The following TAF4B variants were observed in gnomAD, a reference collection of about 807,000 sequenced individuals.
The protein encoded by TAF4B is transcription initiation factor TFIID subunit 4B.
In TAF4B, 38 loss-of-function variants were observed where a neutral mutation model predicts 86.4. That is an observed-to-expected ratio of 0.44 (90% confidence interval 0.34 to 0.58). The LOEUF (loss-of-function observed/expected upper bound fraction) is 0.58. Among genes scored for constraint, TAF4B ranks in the 20% least tolerant of loss-of-function variants. The pLI is 0.02. For synonymous variants in TAF4B, 388 were observed against 391.2 expected (o/e 0.99, Z 0.10); for missense variants, 988 against 1,027.6 (o/e 0.96, Z 0.53).
At chr18:26,320,730 T>A (rs533315650) in intron 10 of TAF4B, among the ~76,000 whole-genome samples, 95 of 152,288 alleles carry the variant, frequency 6.2e-4, no homozygotes, top group Non-Finnish European at 1.2e-3. Flanking sequence ...TTACTAAAAT[T>A]AACAGAATAT....
At chr18:26,283,897 T>A (rs1383230506) in intron 6 of TAF4B, among the ~76,000 whole-genome samples, 1 of 151,872 alleles carries the variant, frequency 6.6e-6, no homozygotes, top group East Asian at 1.9e-4. Context: ...CTAAAAAAAA[T>A]AAAAAAGTTA....
rs148317505 is a variant in TAF4B at position 26,377,250 on chromosome 18, G to T, written c.2422-12595G>T. On this transcript the variant is annotated intron_variant, in intron 14 of 14. Coordinates refer to ENST00000269142, the MANE Select transcript of TAF4B (RefSeq NM_005640.3). ...TTTTAGAAGAGCTTGTGAAGTATTGGTGTTAATTCTTCTTTAAATGTTTGA... is the reference window on the plus strand; with the variant it reads ...TTTTAGAAGAGCTTGTGAAGTATTGTTGTTAATTCTTCTTTAAATGTTTGA... 1.8e-4 allele frequency among the ~76,000 whole-genome samples: 28 copies of T among 152,160 alleles called. No individual in the cohort carries two copies. In the East Asian group the frequency reaches 4.6e-3, roughly 25 times the overall value.
At position 26,381,619 on chromosome 18, in the gene TAF4B, C is replaced by G. The variant is rs371796801; in HGVS notation, c.2422-8226C>G. On this transcript the variant is annotated intron_variant, in intron 14 of 14. Transcript: ENST00000269142. ...GCAGGTGCTTGTAATCCCAGCTACT[C>G]GAGAGGCTGAGACAGGGGAATCGCT... Among the ~76,000 whole-genome samples the G allele has an allele frequency of 9.3e-4, 141 of 151,892 alleles. No individual in the cohort carries two copies. In the East Asian group the frequency reaches 0.012, roughly 13 times the overall value.
chr18:26,268,989 A>T (rs185922306), intron 3 of TAF4B, among the ~76,000 whole-genome samples: 13 of 151,628 alleles, frequency 8.6e-5, no homozygotes, highest in Admixed American at 8.5e-4. Flanking sequence ...TGCCCAGCTG[A>T]TTTTTTGTAT....
intron 14 of TAF4B, 34 bp downstream of exon 14, chr18:26,357,828 TGTC>T: frequency 6.6e-7 from 1 of 1,521,800 alleles, no homozygotes; most frequent in Non-Finnish European, 9.0e-7. Context: ...TTATTTTTAA[TGTC>T]AAGAAAGCAA....
chr18:26,358,185 T>C (rs1244798871), intron 14 of TAF4B, among the ~76,000 whole-genome samples: 2 of 152,362 alleles, frequency 1.3e-5, no homozygotes, highest in African/African-American at 4.8e-5. Context: ...AAACCCTGAC[T>C]ATTCATTCCC....
At chr18:26,298,385 C>T (rs530443070) in intron 9 of TAF4B, among the ~76,000 whole-genome samples, 1 of 151,796 alleles carries the variant, frequency 6.6e-6, no homozygotes, top group East Asian at 2.0e-4. Flanking sequence ...CCCGCAACCA[C>T]ACTCTGCTAA....
At chr18:26,368,095 A>G (rs1321971601) in intron 14 of TAF4B, among the ~76,000 whole-genome samples, 1 of 152,226 alleles carries the variant, frequency 6.6e-6, no homozygotes, top group Non-Finnish European at 1.5e-5. Context: ...AAAATACCCT[A>G]TGTGAGAAAT....
chr18:26,251,850 A>G (rs535734945), intron 1 of TAF4B, among the ~76,000 whole-genome samples: 22 of 152,320 alleles, frequency 1.4e-4, no homozygotes, highest in African/African-American at 5.1e-4. Context: ...AGTGTTTTGC[A>G]TCTTGAAAAC....
Position 26,250,817 on chromosome 18 carries a change from A to C in TAF4B, c.344-14353A>C, listed in dbSNP as rs548727524. Among the ~76,000 whole-genome samples the C allele has an allele frequency of 5.3e-5, 8 of 152,372 alleles. No homozygotes were observed. In the East Asian group the frequency reaches 1.5e-3, roughly 29 times the overall value. ...AACATCACCTGAAATCTAACAACCT[A>C]TCCTTAAAAAATGAAATTTAATAGA... On this transcript the variant is annotated intron_variant, in intron 1 of 14. Transcript: ENST00000269142.
At chr18:26,252,147 G>A (rs1450488492) in intron 1 of TAF4B, among the ~76,000 whole-genome samples, 2 of 152,038 alleles carry the variant, frequency 1.3e-5, no homozygotes, top group East Asian at 1.9e-4. Context: ...TTCAACATAC[G>A]TTTTTCAACG....
Position 26,226,859 on chromosome 18 carries a change from C to A in TAF4B, c.-75C>A. 1 of 1,218,396 alleles carries A rather than the reference C, an allele frequency of 8.2e-7. No homozygotes were observed. The highest frequency in any genetic ancestry group is 1.1e-6 in the Non-Finnish European group (1 of 948,654). The allele number at this position is 1,218,396 out of a possible 1,614,324, so 75.5% of individuals were successfully genotyped here. A position where few individuals can be genotyped will look rare whatever the true frequency, so the allele number is the denominator to read the frequency against. On this transcript the variant is annotated 5_prime_UTR_variant, in exon 1 of 15. The change creates a new upstream start codon in the 5' untranslated region. Transcript: ENST00000269142. ...GGAACCCGAACCGCACCGGAGTCGG[C>A]TGCCGCGCGCCAAGCCTCCCCTCAC...
intron 13 of TAF4B, among the ~76,000 whole-genome samples, chr18:26,338,924 T>G (rs915837578): frequency 1.3e-5 from 2 of 152,238 alleles, no homozygotes; most frequent in African/African-American, 4.8e-5. Flanking sequence ...TATCGACTTC[T>G]ACCAATTTTG....
intron 7 of TAF4B, among the ~76,000 whole-genome samples, chr18:26,291,295 C>T (rs1043877705): frequency 6.6e-6 from 1 of 152,024 alleles, no homozygotes; most frequent in Non-Finnish European, 1.5e-5. Flanking sequence ...GGGTCTCACT[C>T]TGTCACCCAG....
chr18:26,231,342 GGGGTTTTTTTTTT>G (rs1257848476), intron 1 of TAF4B, among the ~76,000 whole-genome samples: 3 of 30,930 alleles, frequency 9.7e-5, no homozygotes, highest in East Asian at 3.5e-3. Context: ...CCAGCTGCTT[GGGGTTTTTTTTTT>G]TTTTTTTTTT....
chr18:26,291,930 T>C (rs1045829196), intron 7 of TAF4B, among the ~76,000 whole-genome samples: 2 of 152,174 alleles, frequency 1.3e-5, no homozygotes, highest in African/African-American at 4.8e-5. Flanking sequence ...TTTTGTTTTA[T>C]CCTGTCTGTT....
chr18:26,309,806 A>G lies in TAF4B; in HGVS notation c.1833-5423A>G, dbSNP rs560254522. Reference sequence around the variant, plus strand: ...AATAGACGTGGGAAGAAACTTGTCCATGGTCATCCTATTAATATTTATTTT... The same window carrying G: ...AATAGACGTGGGAAGAAACTTGTCCGTGGTCATCCTATTAATATTTATTTT... On this transcript the variant is annotated intron_variant, in intron 9 of 14. Transcript: ENST00000269142. 1.8e-4 allele frequency among the ~76,000 whole-genome samples: 27 copies of G among 152,146 alleles called. No individual in the cohort carries two copies. The South Asian group carries it at 5.2e-3, about 29-fold the overall frequency.
chr18:26,320,468 A>G (rs2144675101), intron 10 of TAF4B, among the ~76,000 whole-genome samples: 2 of 152,348 alleles, frequency 1.3e-5, no homozygotes, highest in East Asian at 3.9e-4. Context: ...CTAGTGAGAG[A>G]GAAGTTATTC....
At chr18:26,278,338 T>G (rs1437825117) in intron 5 of TAF4B, among the ~76,000 whole-genome samples, 1 of 152,122 alleles carries the variant, frequency 6.6e-6, no homozygotes, top group Non-Finnish European at 1.5e-5. Context: ...AGAGTCTTGC[T>G]CTCTTGCTCA....
Sources: gnomAD v4.1 joint callset for allele counts (sites outside exome capture counted in the v4.1 genomes callset) on GRCh38, gnomAD v4.1.1 for gene constraint, MANE v1.5 for transcripts, NCBI Gene and HGNC (gene_info 2026-07-23, HGNC 2026-07-21) for gene names.